The following TNFRSF21 variants were observed in gnomAD, a reference collection of about 807,000 sequenced individuals.
The protein encoded by TNFRSF21 is tumor necrosis factor receptor superfamily member 21.
A neutral mutation model predicts 45.6 loss-of-function variants in TNFRSF21; 19 were observed. The ratio of observed to expected loss-of-function variants is 0.42; its 90% CI spans 0.29 to 0.61. The LOEUF (loss-of-function observed/expected upper bound fraction) is 0.61. Ranked by LOEUF, TNFRSF21 falls within the 20% of genes least tolerant of loss-of-function variation. The pLI, the probability that TNFRSF21 is intolerant of heterozygous loss-of-function variation, is 0.23. For synonymous variants in TNFRSF21, 314 were observed against 335.5 expected (o/e 0.94, Z 0.70); for missense variants, 737 against 851.5 (o/e 0.87, Z 1.67).
chr6:47,244,183 G>T (rs566175244), intron 4 of TNFRSF21, among the ~76,000 whole-genome samples: 3 of 152,192 alleles, frequency 2.0e-5, no homozygotes, highest in Admixed American at 2.0e-4. Context: ...AATTAGCCAG[G>T]CGTGGTGGCG....
At chr6:47,267,659 T>C (rs1398818701) in intron 3 of TNFRSF21, among the ~76,000 whole-genome samples, 2 of 152,180 alleles carry the variant, frequency 1.3e-5, no homozygotes, top group African/African-American at 4.8e-5. Context: ...GCAACCAAGC[T>C]GGTAATTTTA....
intron 4 of TNFRSF21, among the ~76,000 whole-genome samples, chr6:47,249,307 T>TA (rs1415616572): frequency 7.9e-5 from 12 of 152,194 alleles, no homozygotes; most frequent in African/African-American, 2.2e-4. Flanking sequence ...GATTTAAAAA[T>TA]AAAATCACAT....
chr6:47,257,874 T>A (rs1327148038), intron 3 of TNFRSF21, among the ~76,000 whole-genome samples: 2 of 152,316 alleles, frequency 1.3e-5, no homozygotes, highest in Non-Finnish European at 1.5e-5. Context: ...CATGTTGGGG[T>A]TGGTGACTAG....
At chr6:47,275,771 C>A (rs1762487957) in intron 3 of TNFRSF21, among the ~76,000 whole-genome samples, 3 of 152,148 alleles carry the variant, frequency 2.0e-5, no homozygotes, top group South Asian at 4.1e-4. Context: ...TTTCACTAAC[C>A]TGCCCTCACA....
chr6:47,263,426 C>T (rs1762268099), intron 3 of TNFRSF21, among the ~76,000 whole-genome samples: 2 of 152,042 alleles, frequency 1.3e-5, no homozygotes, highest in African/African-American at 4.8e-5. Context: ...CGTGGGTCAC[C>T]AAGGGAGAGA....
At chr6:47,282,456 C>T (rs528363903) in intron 3 of TNFRSF21, among the ~76,000 whole-genome samples, 2 of 151,364 alleles carry the variant, frequency 1.3e-5, no homozygotes, top group East Asian at 3.9e-4. Flanking sequence ...AAAGCCAAAG[C>T]TGTCCTGGGT....
At chr6:47,234,973 AT>A (rs945397040) in intron 4 of TNFRSF21, 75 bp from the exon 5 acceptor site, 655 of 867,204 alleles carry the variant, frequency 7.6e-4, no homozygotes, top group Non-Finnish European at 9.2e-4. Flanking sequence ...CTCAGAGGCT[AT>A]TTTTTTTGTT....
intron 4 of TNFRSF21, among the ~76,000 whole-genome samples, chr6:47,252,478 G>C (rs1460911672): frequency 6.6e-6 from 1 of 152,170 alleles, no homozygotes; most frequent in Non-Finnish European, 1.5e-5. Flanking sequence ...AGTAAAATGA[G>C]TTACATCATG....
intron 1 of TNFRSF21, among the ~76,000 whole-genome samples, chr6:47,289,656 G>A (rs1166690540): frequency 2.0e-5 from 3 of 152,084 alleles, no homozygotes; most frequent in Non-Finnish European, 4.4e-5. Flanking sequence ...CACAGCGGAT[G>A]CACTGGATAA....
chr6:47,304,294 C>CAAAAAAAAAAAAA (rs5876021), intron 1 of TNFRSF21, among the ~76,000 whole-genome samples: 1 of 142,388 alleles, frequency 7.0e-6, no homozygotes. Flanking sequence ...AAAAAAAAAC[C>CAAAAAAAAAAAAA]AAAAAAAAAA....
In TNFRSF21 at chr6:47,232,624, A is replaced by AACACACACACACACACAC. The variant is rs34093099; in HGVS notation, c.*123_*140dup. ...CAAGCACTGGCCATATTCTCTGTTA[A>AACACACACACACACACAC]ACACACACACACACACACACACACA... is the stretch of plus-strand genomic sequence containing the variant. On this transcript the variant is annotated 3_prime_UTR_variant, in exon 6 of 6. Transcript: ENST00000296861. 527 of 563,160 alleles carry AACACACACACACACACAC rather than the reference A, an allele frequency of 9.4e-4. No individual in the cohort carries two copies. The highest frequency in any genetic ancestry group is 1.4e-3 in the Middle Eastern group (3 of 2,080). The allele number at this position is 563,160 out of a possible 1,614,324, so 34.9% of individuals were successfully genotyped here. A position where few individuals can be genotyped will look rare whatever the true frequency, so the allele number is the denominator to read the frequency against.
chr6:47,277,208 G>C, intron 3 of TNFRSF21, among the ~76,000 whole-genome samples: 1 of 152,188 alleles, frequency 6.6e-6, no homozygotes, highest in East Asian at 1.9e-4. Flanking sequence ...GGCCAGGCTG[G>C]TCTTGAACTA....
In TNFRSF21 at chr6:47,253,256, C is replaced by T; in HGVS notation, c.1509G>A (p.Gln503=). Residue 503 remains glutamine, a splice_region_variant and synonymous_variant, in exon 4 of 6, where the codon CAG becomes CAA. Transcript: ENST00000296861. ...KIRGLMEDTT[Q]LETDKLALPM... is the part of the protein sequence containing the mutation. ...TGACACACAACAAGGGCTCCATTAC[C>T]TGGGTGGTGTCTTCCATCAGCCCAC... 6.2e-7 allele frequency: 1 copy of T among 1,612,098 alleles called. No individual in the cohort carries two copies. The highest frequency in any genetic ancestry group is 1.7e-5 in the Admixed American group (1 of 59,870).
chr6:47,237,121 C>T (rs1190115173), intron 4 of TNFRSF21, among the ~76,000 whole-genome samples: 1 of 152,154 alleles, frequency 6.6e-6, no homozygotes, highest in Non-Finnish European at 1.5e-5. Context: ...CCTACAAATG[C>T]TATTAGCATC....
intron 3 of TNFRSF21, among the ~76,000 whole-genome samples, chr6:47,270,449 CA>C (rs1762398550): frequency 6.6e-6 from 1 of 152,196 alleles, no homozygotes; most frequent in African/African-American, 2.4e-5. Context: ...AACTAACAAA[CA>C]GAAATGAATA....
At chr6:47,300,978 T>A (rs141664388) in intron 1 of TNFRSF21, among the ~76,000 whole-genome samples, 62 of 152,288 alleles carry the variant, frequency 4.1e-4, no homozygotes, top group African/African-American at 1.4e-3. Context: ...AGCAGGTACA[T>A]ACACATTAGT....
rs1216985763 is a variant in TNFRSF21 at position 47,234,723 on chromosome 6, G to GAGTCAC, written c.1679_1684dup (p.Cys560_Asp561dup). ...CAGCGCGGAGGAGCCGCTGGATGTA[G>GAGTCAC]AGTCACAGCGGAGAAGGGGCTCCGA... On this transcript the variant is annotated inframe_insertion, in exon 5 of 6. Transcript: ENST00000296861. The GAGTCAC allele has an allele frequency of 1.2e-6, 2 of 1,612,220 alleles. No homozygotes were observed. Among genetic ancestry groups the GAGTCAC allele is most frequent in the South Asian group, 2.2e-5 (2 of 90,598 alleles).
In TNFRSF21 at chr6:47,286,435, C is replaced by T. The variant is rs772959706; in HGVS notation, c.257G>A (p.Arg86His). The change falls in exon 2 of 6, where the codon CGC (arginine) becomes CAC (histidine). Residue 86 changes from arginine (R) to histidine (H), a missense_variant. Physicochemically the swap from Arg to His is conservative, Grantham distance 29. Coordinates refer to ENST00000296861, the MANE Select transcript of TNFRSF21 (RefSeq NM_014452.5). ...VSEHCTNTSL[R>H]VCSSCPVGTF... is the part of the protein sequence containing the mutation. The stretch of plus-strand genomic sequence containing the variant: ...CCCCACAGGGCAACTGCTGCAGACG[C>T]GCAGGCTTGTGTTGGTACAATGCTC... The T allele has an allele frequency of 6.2e-6, 10 of 1,614,096 alleles. No homozygotes were observed. Among genetic ancestry groups the T allele is most frequent in the Non-Finnish European group, 1.7e-6 (2 of 1,180,052 alleles).
At chr6:47,276,104 C>A (rs565066687) in intron 3 of TNFRSF21, among the ~76,000 whole-genome samples, 2 of 152,168 alleles carry the variant, frequency 1.3e-5, no homozygotes, top group African/African-American at 4.8e-5. Flanking sequence ...GATCATCCAG[C>A]CTTTTAGTAG....
Sources: gnomAD v4.1 joint callset for allele counts (sites outside exome capture counted in the v4.1 genomes callset) on GRCh38, gnomAD v4.1.1 for gene constraint, MANE v1.5 for transcripts, NCBI Gene and HGNC (gene_info 2026-07-23, HGNC 2026-07-21) for gene names.